Variants in ROBO2 observed in about 807,000 individuals in gnomAD.
ROBO2 encodes the protein roundabout homolog 2.
Under a neutral mutation model 160.8 loss-of-function variants are expected in ROBO2, and 53 were observed. The ratio of observed to expected loss-of-function variants is 0.33; its 90% CI spans 0.26 to 0.41. The LOEUF is 0.41. ROBO2 is among the 10% of genes least tolerant of loss of function. ROBO2 has a pLI of 1.00. For synonymous variants in ROBO2, 664 were observed against 611.7 expected (o/e 1.09, Z -1.26); for missense variants, 1,577 against 1,722.4 (o/e 0.92, Z 1.49).
At chr3:76,882,702 C>A in intron 2 of ROBO2, among the ~76,000 whole-genome samples, 1 of 152,184 alleles carries the variant, frequency 6.6e-6, no homozygotes, top group African/African-American at 2.4e-5. Flanking sequence ...CAGAATCTTA[C>A]GGGGAAAACA....
intron 2 of ROBO2, among the ~76,000 whole-genome samples, chr3:76,330,165 C>A (rs914852016): frequency 6.6e-6 from 1 of 152,094 alleles, no homozygotes; most frequent in Non-Finnish European, 1.5e-5. Context: ...TACTCAAGCA[C>A]CTTGCAGTCT....
At chr3:76,394,999 C>G (rs188239265) in intron 2 of ROBO2, among the ~76,000 whole-genome samples, 1 of 152,132 alleles carries the variant, frequency 6.6e-6, no homozygotes, top group Non-Finnish European at 1.5e-5. Flanking sequence ...ACAGAACTCT[C>G]CACCCCAAAT....
At chr3:76,476,063 G>A (rs775596175) in intron 2 of ROBO2, among the ~76,000 whole-genome samples, 1 of 152,172 alleles carries the variant, frequency 6.6e-6, no homozygotes, top group Non-Finnish European at 1.5e-5. Flanking sequence ...CGAGGCAGGA[G>A]AATCACTTAA....
At chr3:76,261,202 GTATA>G (rs796253150) in intron 2 of ROBO2, among the ~76,000 whole-genome samples, 1,057 of 67,182 alleles carry the variant, frequency 0.016, 10 homozygotes, top group African/African-American at 0.022. Context: ...GTGTGTGTGT[GTATA>G]TATATATATA....
At chr3:77,586,669 C>T (rs1305345114) in intron 16 of ROBO2, among the ~76,000 whole-genome samples, 1 of 151,662 alleles carries the variant, frequency 6.6e-6, no homozygotes, top group Non-Finnish European at 1.5e-5. Context: ...TATTATGGAT[C>T]CTTTACAAAA....
intron 2 of ROBO2, among the ~76,000 whole-genome samples, chr3:76,917,802 C>G (rs558753210): frequency 6.6e-6 from 1 of 151,956 alleles, no homozygotes; most frequent in African/African-American, 2.4e-5. Flanking sequence ...AAAATGGTTT[C>G]TTAACTCTCT....
At chr3:76,680,379 G>C (rs1393931027) in intron 2 of ROBO2, among the ~76,000 whole-genome samples, 2 of 145,422 alleles carry the variant, frequency 1.4e-5, no homozygotes, top group African/African-American at 5.1e-5. Context: ...AAAAAACGGC[G>C]AACAAAACCA....
chr3:77,215,080 G>A (rs1232936534), intron 2 of ROBO2, among the ~76,000 whole-genome samples: 1 of 152,142 alleles, frequency 6.6e-6, no homozygotes, highest in Non-Finnish European at 1.5e-5. Context: ...TTCTCAAGGA[G>A]TATCTTTGTG....
At chr3:76,808,181 A>G (rs908000173) in intron 2 of ROBO2, among the ~76,000 whole-genome samples, 4 of 152,126 alleles carry the variant, frequency 2.6e-5, no homozygotes, top group African/African-American at 7.2e-5. Context: ...CTATCCAAGG[A>G]TATTTGTTGT....
At chr3:76,223,811 C>T (rs1338523531) in intron 2 of ROBO2, among the ~76,000 whole-genome samples, 1 of 152,186 alleles carries the variant, frequency 6.6e-6, no homozygotes, top group Non-Finnish European at 1.5e-5. Flanking sequence ...TCTTTGATCT[C>T]ATCATTTGTC....
chr3:76,402,284 T>C (rs1157596820), intron 2 of ROBO2, among the ~76,000 whole-genome samples: 1 of 151,526 alleles, frequency 6.6e-6, no homozygotes, highest in Non-Finnish European at 1.5e-5. Context: ...TGGTAAACAC[T>C]GGGTTGCCAT....
chr3:77,618,099 A>G (rs1298055519), intron 22 of ROBO2: 1 of 343,084 alleles, frequency 2.9e-6, no homozygotes, highest in East Asian at 7.1e-5. Flanking sequence ...AATCTTTTCT[A>G]ATTTATGGTT....
At chr3:77,500,988 G>T (rs1166520865) in intron 5 of ROBO2, among the ~76,000 whole-genome samples, 1 of 152,166 alleles carries the variant, frequency 6.6e-6, no homozygotes, top group Non-Finnish European at 1.5e-5. Context: ...TTGTGTGTGT[G>T]GGCAGAGCCA....
chr3:77,476,802 T>G (rs2084063800), intron 2 of ROBO2, among the ~76,000 whole-genome samples: 1 of 152,164 alleles, frequency 6.6e-6, no homozygotes, highest in Admixed American at 6.5e-5. Flanking sequence ...GCCCTGAATG[T>G]CACACTGCCC....
chr3:77,473,146 G>C (rs552736340), intron 2 of ROBO2, among the ~76,000 whole-genome samples: 13 of 152,204 alleles, frequency 8.5e-5, no homozygotes, highest in Middle Eastern at 3.4e-3. Context: ...AGGGTTTAGA[G>C]GATTGGTTGG....
chr3:76,718,373 A>G (rs1438819266), intron 2 of ROBO2, among the ~76,000 whole-genome samples: 2 of 152,240 alleles, frequency 1.3e-5, no homozygotes, highest in Admixed American at 6.5e-5. Context: ...ATTTAACATT[A>G]TCTTCAACTT....
chr3:76,342,730 G>A, intron 2 of ROBO2, among the ~76,000 whole-genome samples: 1 of 151,964 alleles, frequency 6.6e-6, no homozygotes. Flanking sequence ...CAGAATTATT[G>A]TCATTGGACT....
At chr3:77,011,557 G>C (rs1578238703) in intron 2 of ROBO2, among the ~76,000 whole-genome samples, 1 of 151,838 alleles carries the variant, frequency 6.6e-6, no homozygotes, top group East Asian at 2.0e-4. Flanking sequence ...ATAGGGTAAG[G>C]GGAGGGTGAG....
At chr3:77,638,513 A>G (rs2095300104) in intron 24 of ROBO2, among the ~76,000 whole-genome samples, 1 of 152,098 alleles carries the variant, frequency 6.6e-6, no homozygotes, top group African/African-American at 2.4e-5. Context: ...CAAACTAACT[A>G]CTGGGGTGAG....
Sources: allele counts gnomAD v4.1 joint callset (sites outside exome capture counted in the v4.1 genomes callset), GRCh38; gene constraint gnomAD v4.1.1; transcripts MANE v1.5; gene names NCBI Gene and HGNC (gene_info 2026-07-23, HGNC 2026-07-21).